The following GFRA1 variants were observed in gnomAD, a reference collection of about 807,000 sequenced individuals.
GFRA1 encodes GDNF family receptor alpha 1.
Under a neutral mutation model 51.6 loss-of-function variants are expected in GFRA1, and 16 were observed. The observed-to-expected ratio is 0.31, with a 90% CI of 0.21 to 0.47. The LOEUF is 0.47. Among genes scored for constraint, GFRA1 ranks in the 20% least tolerant of loss-of-function variants. The probability of loss-of-function intolerance (pLI) is 1.00; values close to 1 mark genes in which losing one functional copy is unlikely to be tolerated. For missense variants in GFRA1, 530 were observed against 594.3 expected, an observed-to-expected ratio of 0.89 and a Z score of 1.13; for synonymous variants, 270 against 241.3, an observed-to-expected ratio of 1.12 and a Z score of -1.10.
intron 4 of GFRA1, among the ~76,000 whole-genome samples, chr10:116,251,061 G>T (rs1045006271): frequency 6.6e-6 from 1 of 152,200 alleles, no homozygotes; most frequent in Admixed American, 6.5e-5. Flanking sequence ...GTGTAAAAGG[G>T]TCCCCTTCTC....
chr10:116,065,321 G>A (rs1219394440), intron 10 of GFRA1, among the ~76,000 whole-genome samples: 1 of 152,184 alleles, frequency 6.6e-6, no homozygotes, highest in East Asian at 1.9e-4. Flanking sequence ...TCACAGAGAG[G>A]CTCAGGGCCC....
chr10:116,196,527 A>C lies in GFRA1; in HGVS notation c.433+15104T>G, dbSNP rs992486708. On this transcript the variant is annotated intron_variant, in intron 5 of 10. Coordinates refer to ENST00000355422, the MANE Select transcript of GFRA1 (RefSeq NM_005264.8). ...ATATAATATATATTTATAAATTTAT[A>C]TATTTATAAATTTATATATATTTTT... 1.9e-3 allele frequency among the ~76,000 whole-genome samples: 259 copies of C among 135,294 alleles called. 2 individuals are homozygous for C. The highest frequency in any genetic ancestry group is 6.6e-3 in the African/African-American group (237 of 36,056). 88.8% of individuals were successfully genotyped at this position (135,294 alleles called of 152,430 possible). A position where few individuals can be genotyped will look rare whatever the true frequency, so the allele number is the denominator to read the frequency against.
At chr10:116,207,809 A>C (rs1964897994) in intron 5 of GFRA1, among the ~76,000 whole-genome samples, 1 of 152,130 alleles carries the variant, frequency 6.6e-6, no homozygotes, top group African/African-American at 2.4e-5. Flanking sequence ...AAGCGAGCAG[A>C]AAGTGAGCAC....
At chr10:116,180,872 C>T (rs116254618) in intron 5 of GFRA1, among the ~76,000 whole-genome samples, 2,138 of 152,260 alleles carry the variant, frequency 0.014, 58 homozygotes, top group African/African-American at 0.049. Flanking sequence ...TAGAAAGCAA[C>T]CTTTTCCTGA....
At chr10:116,166,125 A>G (rs1261941484) in intron 5 of GFRA1, among the ~76,000 whole-genome samples, 1 of 152,184 alleles carries the variant, frequency 6.6e-6, no homozygotes, top group Non-Finnish European at 1.5e-5. Flanking sequence ...AAAGGACATG[A>G]TCTCAGTCTT....
At position 116,211,656 on chromosome 10, in the gene GFRA1, A is replaced by G; in HGVS notation, c.419-11T>C. On this transcript the variant is annotated splice_polypyrimidine_tract_variant and intron_variant, in intron 4 of 10. Transcript: ENST00000355422. ...CTTGCTGAAAAACATCTGCCAAGAA[A>G]GAAGAAAAGTAGGGGAGGGGAGAGG... is the stretch of plus-strand genomic sequence containing the variant. 1.3e-6 allele frequency: 2 copies of G among 1,549,616 alleles called. No homozygotes were observed. Among genetic ancestry groups the G allele is most frequent in the South Asian group, 2.4e-5 (2 of 84,038 alleles).
chr10:116,075,448 T>G (rs1451217786), intron 9 of GFRA1, among the ~76,000 whole-genome samples: 1 of 152,194 alleles, frequency 6.6e-6, no homozygotes. Flanking sequence ...GCTGAGTTAC[T>G]GTGATGAAGG....
chr10:116,217,894 T>C (rs571908573), intron 4 of GFRA1, among the ~76,000 whole-genome samples: 1 of 152,306 alleles, frequency 6.6e-6, no homozygotes, highest in South Asian at 2.1e-4. Context: ...TCAAAAAACA[T>C]TTATTGATTG....
chr10:116,110,857 G>T (rs1006797244), intron 6 of GFRA1, among the ~76,000 whole-genome samples: 13 of 152,182 alleles, frequency 8.5e-5, no homozygotes, highest in Non-Finnish European at 1.8e-4. Context: ...TCTACCACCT[G>T]CCCTTGCCTA....
At chr10:116,209,635 C>T (rs559897922) in intron 5 of GFRA1, among the ~76,000 whole-genome samples, 20 of 152,040 alleles carry the variant, frequency 1.3e-4, no homozygotes, top group African/African-American at 3.6e-4. Flanking sequence ...CACAATTTAT[C>T]ATCCCCATAT....
intron 4 of GFRA1, among the ~76,000 whole-genome samples, chr10:116,216,996 A>C (rs948705780): frequency 6.6e-6 from 1 of 152,220 alleles, no homozygotes; most frequent in Non-Finnish European, 1.5e-5. Flanking sequence ...CAGTCGGTAC[A>C]TTTCTTCTGC....
intron 4 of GFRA1, among the ~76,000 whole-genome samples, chr10:116,213,236 T>C (rs1965333585): frequency 6.6e-6 from 1 of 152,390 alleles, no homozygotes; most frequent in South Asian, 2.1e-4. Context: ...TTGTTTATAC[T>C]GGCAAAACAC....
At chr10:116,086,439 C>T (rs1010072771) in intron 9 of GFRA1, among the ~76,000 whole-genome samples, 4 of 152,204 alleles carry the variant, frequency 2.6e-5, no homozygotes, top group Non-Finnish European at 5.9e-5. Context: ...CATATATGTG[C>T]TTTGTAGGTG....
In GFRA1 at chr10:116,272,067, A is replaced by C; in HGVS notation, c.-38T>G. Reference sequence around the variant, plus strand: ...GGGCTGGTCCCCGCCCCCCCAAAAAAATCCCGAGCCGCCGCTGGGTCTTGC... The same window carrying C: ...GGGCTGGTCCCCGCCCCCCCAAAAACATCCCGAGCCGCCGCTGGGTCTTGC... On this transcript the variant is annotated 5_prime_UTR_variant, in exon 2 of 11. In the 5' UTR this introduces an upstream ATG that the reference lacks. Transcript: ENST00000355422. This position sits in a 1 kb window ranked among gnomAD's most constrained non-coding sequence, Gnocchi z 4.4. The C allele has an allele frequency of 6.5e-7, 1 of 1,535,222 alleles. No individual in the cohort carries two copies. Among genetic ancestry groups the C allele is most frequent in the Non-Finnish European group, 8.8e-7 (1 of 1,134,344 alleles).
chr10:116,080,300 A>C (rs1264857581), intron 9 of GFRA1, among the ~76,000 whole-genome samples: 1 of 152,156 alleles, frequency 6.6e-6, no homozygotes, highest in African/African-American at 2.4e-5. Context: ...AAGATAAGTA[A>C]TTTGCCCAAA....
chr10:116,198,198 A>G (rs180840509), intron 5 of GFRA1, among the ~76,000 whole-genome samples: 53 of 151,962 alleles, frequency 3.5e-4, no homozygotes, highest in South Asian at 8.4e-4. Flanking sequence ...ACGCCCCCAC[A>G]CGATACAGGT....
At chr10:116,269,394 A>C (rs1444872892) in intron 4 of GFRA1, 109 bp downstream of exon 4, 4 of 750,356 alleles carry the variant, frequency 5.3e-6, no homozygotes, top group Non-Finnish European at 9.8e-6. Context: ...TCCCAGAAAC[A>C]CTGTGCCATT....
In GFRA1 at chr10:116,057,844, T is replaced by C. The variant is rs1297175986; in HGVS notation, c.*6554A>G. On this transcript the variant is annotated 3_prime_UTR_variant, in exon 11 of 11. Transcript: ENST00000355422. ...GCCAAATATGGCAGGGCAAACTGAT[T>C]TGGTTCTGCGATTTCCATTCTCCTC... The C allele has an allele frequency of 6.6e-6, 1 of 151,812 alleles. No individual in the cohort carries two copies. Among genetic ancestry groups the C allele is most frequent in the Non-Finnish European group, 1.5e-5 (1 of 67,972 alleles). The allele number at this position is 151,812 out of a possible 1,614,324, so 9.4% of individuals were successfully genotyped here.
intron 5 of GFRA1, among the ~76,000 whole-genome samples, chr10:116,134,170 A>G (rs1424450157): frequency 6.6e-6 from 1 of 152,266 alleles, no homozygotes; most frequent in East Asian, 1.9e-4. Flanking sequence ...TCACAAGACA[A>G]TAAAAGAACG....
Sources: allele counts gnomAD v4.1 joint callset (sites outside exome capture counted in the v4.1 genomes callset), GRCh38; gene constraint gnomAD v4.1.1; non-coding constraint Gnocchi (gnomAD v3.1); transcripts MANE v1.5; gene names NCBI Gene and HGNC (gene_info 2026-07-23, HGNC 2026-07-21).